LEKR1: variants seen among roughly 807,000 people sequenced by gnomAD.
The protein encoded by LEKR1 is protein LEKR1.
In LEKR1, 59 loss-of-function variants were observed where a neutral mutation model predicts 72.4. The ratio of observed to expected loss-of-function variants is 0.82; its 90% CI spans 0.66 to 1.01. The LOEUF is 1.01. LEKR1 is among the 50% of genes least tolerant of loss of function. The pLI is 0.00. For missense variants in LEKR1, 728 were observed against 759.2 expected, an observed-to-expected ratio of 0.96 and a Z score of 0.48; for synonymous variants, 257 against 263.2, an observed-to-expected ratio of 0.98 and a Z score of 0.23.
chr3:156,948,389 A>G (rs1331954490), intron 6 of LEKR1, among the ~76,000 whole-genome samples: 1 of 151,142 alleles, frequency 6.6e-6, no homozygotes, highest in Non-Finnish European at 1.5e-5. Context: ...TTAATTCTAC[A>G]GTAGACATTT....
chr3:156,901,268 T>C (rs964153755), intron 3 of LEKR1, among the ~76,000 whole-genome samples: 28 of 152,134 alleles, frequency 1.8e-4, no homozygotes, highest in Admixed American at 1.6e-3. Context: ...GTACTTGTGA[T>C]GCAAGCATAT....
intron 3 of LEKR1, chr3:156,888,555 T>C (rs993891736): frequency 6.5e-5 from 36 of 552,352 alleles, no homozygotes; most frequent in African/African-American, 6.3e-4. Context: ...AAGGGCCTGG[T>C]TAGATTTGGG....
rs115317860 is a variant in LEKR1 at position 156,878,635 on chromosome 3, T to C, written c.263+25653T>C. ...GGTAGAATATTCTGTAAATATCTGT[T>C]AAGTTTATTTGTTCTGAGATATAGT... On this transcript the variant is annotated intron_variant, in intron 3 of 12. Transcript: ENST00000356539. Among the ~76,000 whole-genome samples, 1,472 of 152,316 alleles carry C rather than the reference T, an allele frequency of 9.7e-3. 22 individuals are homozygous for C. Among genetic ancestry groups the C allele is most frequent in the African/African-American group, 0.034 (1,403 of 41,566 alleles).
intron 4 of LEKR1, among the ~76,000 whole-genome samples, chr3:156,925,481 G>A (rs994062003): frequency 1.7e-4 from 26 of 152,052 alleles, no homozygotes; most frequent in African/African-American, 6.3e-4. Flanking sequence ...TCCTTAGTGA[G>A]GAATCCTCAA....
At chr3:157,032,653 A>C (rs913469980) in intron 12 of LEKR1, among the ~76,000 whole-genome samples, 2 of 152,328 alleles carry the variant, frequency 1.3e-5, no homozygotes, top group East Asian at 3.9e-4. Flanking sequence ...TAGAATACTG[A>C]AACCTAATGC....
intron 3 of LEKR1, among the ~76,000 whole-genome samples, chr3:156,882,330 A>G (rs1265342289): frequency 9.3e-5 from 14 of 151,286 alleles, no homozygotes; most frequent in African/African-American, 2.7e-4. Flanking sequence ...CCCCATCAAA[A>G]AGTGGGCGAA....
chr3:157,004,470 C>T (rs1296907848), intron 9 of LEKR1, among the ~76,000 whole-genome samples: 1 of 152,104 alleles, frequency 6.6e-6, no homozygotes, highest in Non-Finnish European at 1.5e-5. Context: ...AATCAATTAA[C>T]ATAATTGACA....
intron 6 of LEKR1, among the ~76,000 whole-genome samples, chr3:156,947,007 CT>C (rs372747684): frequency 6.7e-6 from 1 of 149,764 alleles, no homozygotes; most frequent in Admixed American, 6.7e-5. Context: ...TGGGTCTTCT[CT>C]TTTTTTTTCT....
At position 156,899,517 on chromosome 3, in the gene LEKR1, TAC is replaced by T. The variant is rs1284960852; in HGVS notation, c.264-21056_264-21055del. 8.5e-3 allele frequency among the ~76,000 whole-genome samples: 842 copies of T among 99,560 alleles called. 24 individuals carry two copies. The highest frequency in any genetic ancestry group is 0.013 in the Non-Finnish European group (649 of 51,624). 65.3% of individuals were successfully genotyped at this position (99,560 alleles called of 152,430 possible). A position where few individuals can be genotyped will look rare whatever the true frequency, so the allele number is the denominator to read the frequency against. On this transcript the variant is annotated intron_variant, in intron 3 of 12. Coordinates refer to ENST00000356539, the MANE Select transcript of LEKR1 (RefSeq NM_001004316.3). ...ACACATATATACATGTATATATACA[TAC>T]ATACATATATACACATATATACATA...
intron 3 of LEKR1, among the ~76,000 whole-genome samples, chr3:156,889,333 ACCTCTTTTT>A (rs1720424261): frequency 2.0e-5 from 3 of 149,742 alleles, no homozygotes; most frequent in Non-Finnish European, 4.4e-5. Flanking sequence ...ACCACCCTGT[ACCTCTTTTT>A]TTCTCTAATG....
chr3:157,030,600 T>A (rs1019575592), intron 12 of LEKR1, among the ~76,000 whole-genome samples: 1 of 152,174 alleles, frequency 6.6e-6, no homozygotes, highest in Non-Finnish European at 1.5e-5. Context: ...ACGTGACAAA[T>A]TACCCCCAAG....
chr3:156,971,335 T>C (rs1168508747), intron 6 of LEKR1, among the ~76,000 whole-genome samples: 2 of 152,066 alleles, frequency 1.3e-5, no homozygotes, highest in Non-Finnish European at 2.9e-5. Flanking sequence ...ATACAAAAAT[T>C]AATTCAAGAT....
chr3:156,838,138 A>C (rs551735785), intron 2 of LEKR1, among the ~76,000 whole-genome samples: 4 of 152,276 alleles, frequency 2.6e-5, no homozygotes, highest in Admixed American at 2.6e-4. Flanking sequence ...TGATCCACTC[A>C]AAGTGGGGTG....
chr3:156,940,211 A>G (rs1052475651), intron 5 of LEKR1, among the ~76,000 whole-genome samples: 8 of 152,166 alleles, frequency 5.3e-5, no homozygotes, highest in Admixed American at 1.3e-4. Context: ...ATAGAAATGA[A>G]TAAGATACTA....
chr3:157,018,685 G>T (rs1733578528), intron 10 of LEKR1, among the ~76,000 whole-genome samples: 1 of 152,190 alleles, frequency 6.6e-6, no homozygotes, highest in African/African-American at 2.4e-5. Flanking sequence ...TATACACATT[G>T]TTTCCACCTT....
chr3:156,975,402 T>C (rs940782937), intron 6 of LEKR1, among the ~76,000 whole-genome samples: 3 of 152,230 alleles, frequency 2.0e-5, no homozygotes, highest in East Asian at 1.9e-4. Context: ...CATAGCACTT[T>C]GAACCAGATT....
intron 12 of LEKR1, among the ~76,000 whole-genome samples, chr3:157,040,685 T>G (rs1400811084): frequency 6.6e-6 from 1 of 152,206 alleles, no homozygotes; most frequent in Admixed American, 6.5e-5. Context: ...CCACTCACCT[T>G]GGGATATATC....
intron 10 of LEKR1, among the ~76,000 whole-genome samples, chr3:157,015,698 C>T (rs766618544): frequency 2.6e-5 from 4 of 151,922 alleles, no homozygotes. Context: ...TGGAAATATA[C>T]AAGAAAATAG....
chr3:156,990,749 G>A (rs1731086819), intron 7 of LEKR1, among the ~76,000 whole-genome samples: 2 of 152,124 alleles, frequency 1.3e-5, no homozygotes, highest in African/African-American at 4.8e-5. Context: ...TCTGAAATTA[G>A]AATATTATGT....
Sources: gnomAD v4.1 joint callset for allele counts (sites outside exome capture counted in the v4.1 genomes callset) on GRCh38, gnomAD v4.1.1 for gene constraint, MANE v1.5 for transcripts, NCBI Gene and HGNC (gene_info 2026-07-23, HGNC 2026-07-21) for gene names.